The following PCNT variants were observed in gnomAD, a reference collection of about 807,000 sequenced individuals.
PCNT encodes the protein pericentrin, also known as kendrin.
PCNT carries 319 observed loss-of-function variants against 380.4 expected under a neutral mutation model. That is an observed-to-expected ratio of 0.84 (90% CI 0.77 to 0.92). The LOEUF (loss-of-function observed/expected upper bound fraction) is 0.92, where lower values mean the gene tolerates loss of function less well. Ranked by LOEUF, PCNT falls within the 40% of genes least tolerant of loss-of-function variation. The pLI is 0.00. For missense variants in PCNT, 4,400 were observed against 4,255.3 expected (o/e 1.03, Z -0.95); for synonymous variants, 1,845 against 1,735.2 (o/e 1.06, Z -1.57).
In PCNT at chr21:46,430,044, G is replaced by T; in HGVS notation, c.7725G>T (p.Lys2575Asn). The change falls in exon 36 of 47, where the codon AAG (lysine) becomes AAT (asparagine). Residue 2575 changes from lysine (K) to asparagine (N), a missense_variant. Coordinates refer to ENST00000359568, the MANE Select transcript of PCNT (RefSeq NM_006031.6). Reference protein sequence around the residue: ...ELLAYKVEQEKCIAGDLQKTL... With the variant: ...ELLAYKVEQENCIAGDLQKTL... ...TGGCTTATAAAGTAGAGCAGGAGAA[G>T]TGCATTGCTGGTGACTTGCAGAAGA... 6.2e-7 allele frequency: 1 copy of T among 1,614,232 alleles called. No homozygotes were observed. The highest frequency in any genetic ancestry group is 8.5e-7 in the Non-Finnish European group (1 of 1,180,032).
chr21:46,418,709 G>C (rs1049593909), intron 31 of PCNT, among the ~76,000 whole-genome samples: 3 of 152,262 alleles, frequency 2.0e-5, no homozygotes, highest in Non-Finnish European at 4.4e-5. Context: ...TCCAGGCTCT[G>C]CTGCCTTGCC....
intron 27 of PCNT, among the ~76,000 whole-genome samples, chr21:46,404,306 A>C (rs1268041688): frequency 6.6e-6 from 1 of 152,254 alleles, no homozygotes; most frequent in Non-Finnish European, 1.5e-5. Context: ...AGGCTTATTT[A>C]ATTAGGACAT....
At chr21:46,429,735 G>A (rs1339903887) in intron 35 of PCNT, among the ~76,000 whole-genome samples, 1 of 152,100 alleles carries the variant, frequency 6.6e-6, no homozygotes, top group Non-Finnish European at 1.5e-5. Flanking sequence ...GTGTGAGTGG[G>A]GGTGAGGTGG....
chr21:46,326,664 G>A, intron 2 of PCNT, 75 bp downstream of exon 2: 4 of 1,457,858 alleles, frequency 2.7e-6, no homozygotes, highest in Non-Finnish European at 3.8e-6. Context: ...ACTAAAGATG[G>A]TCTTTGGTCT....
chr21:46,443,894 A>G lies in PCNT; in HGVS notation c.9785A>G (p.Asp3262Gly), dbSNP rs762606814. The G allele has an allele frequency of 6.2e-7, 1 of 1,612,746 alleles. No homozygotes were observed. Among genetic ancestry groups the G allele is most frequent in the Non-Finnish European group, 8.5e-7 (1 of 1,179,954 alleles). Reference sequence around the variant, plus strand: ...GATGTACCCTCTGGCCACACCAGGGACCCTGCCAGAGGCCGCAGACTGGCA... The same window carrying G: ...GATGTACCCTCTGGCCACACCAGGGGCCCTGCCAGAGGCCGCAGACTGGCA... ...TRDVPSGHTR[D>G]PARGRRLAAA... Residue 3262 changes from aspartate (D) to glycine (G), a missense_variant, in exon 45 of 47, where the codon GAC becomes GGC. Coordinates refer to ENST00000359568, the MANE Select transcript of PCNT (RefSeq NM_006031.6).
chr21:46,412,912 ACCGTCTG>A lies in PCNT; in HGVS notation c.6073_6079del (p.Val2025ArgfsTer11). 1 of 1,612,742 alleles carries A rather than the reference ACCGTCTG, an allele frequency of 6.2e-7. No individual in the cohort carries two copies. Among genetic ancestry groups the A allele is most frequent in the Non-Finnish European group, 8.5e-7 (1 of 1,180,006 alleles). ...GCAAGAAGGCGTGATGTCAGTGCTCACCGTCTGCCAGAGGCAGCTGCAGTCGGAGCTG... is the reference window on the plus strand; with the variant it reads ...GCAAGAAGGCGTGATGTCAGTGCTCACCAGAGGCAGCTGCAGTCGGAGCTG... On this transcript the variant is annotated frameshift_variant, in exon 29 of 47. Coordinates refer to ENST00000359568, the MANE Select transcript of PCNT (RefSeq NM_006031.6). LOFTEE classifies it high-confidence loss of function.
At chr21:46,377,801 C>T (rs1261647391) in intron 15 of PCNT, among the ~76,000 whole-genome samples, 1 of 152,158 alleles carries the variant, frequency 6.6e-6, no homozygotes, top group African/African-American at 2.4e-5. Context: ...AAGCTGACAT[C>T]GCACCACTGC....
intron 15 of PCNT, 124 bp downstream of exon 15, chr21:46,367,263 C>A: frequency 1.3e-6 from 1 of 783,116 alleles, no homozygotes; most frequent in Non-Finnish European, 2.1e-6. Flanking sequence ...GTGTGTCTCA[C>A]AGGCTGCCGA....
chr21:46,379,000 G>C (rs150786377), intron 15 of PCNT, among the ~76,000 whole-genome samples: 2 of 152,122 alleles, frequency 1.3e-5, no homozygotes, highest in Non-Finnish European at 2.9e-5. Flanking sequence ...ACTGCTGCTC[G>C]TTTCTTCCTG....
At chr21:46,438,069 T>G in intron 40 of PCNT, 95 bp from the exon 41 acceptor site, 1 of 1,008,962 alleles carries the variant, frequency 9.9e-7, no homozygotes, top group Non-Finnish European at 1.5e-6. Flanking sequence ...GACACATTAA[T>G]TACAATCCCT....
At chr21:46,426,079 T>A in intron 33 of PCNT, 108 bp downstream of exon 33, 1 of 1,026,712 alleles carries the variant, frequency 9.7e-7, no homozygotes, top group South Asian at 1.5e-5. Flanking sequence ...CTTTTTTTTT[T>A]TTTTTTTTTT....
intron 15 of PCNT, 61 bp from the exon 16 acceptor site, chr21:46,381,633 A>C (rs2085544823): frequency 6.0e-6 from 9 of 1,509,046 alleles, no homozygotes; most frequent in Non-Finnish European, 8.3e-6. Flanking sequence ...AATTCCGGCT[A>C]ACAGCAAAGA....
chr21:46,381,192 ATCTCTG>A (rs2085521818), intron 15 of PCNT, among the ~76,000 whole-genome samples: 1 of 77,316 alleles, frequency 1.3e-5, no homozygotes, highest in Admixed American at 1.4e-4. Flanking sequence ...AAAAAAAAAA[ATCTCTG>A]TGTGTGTGTG....
chr21:46,426,356 A>G (rs1365984848), intron 33 of PCNT, among the ~76,000 whole-genome samples: 1 of 152,038 alleles, frequency 6.6e-6, no homozygotes, highest in African/African-American at 2.4e-5. Context: ...GCACGGCCAA[A>G]AAGACTGAGG....
chr21:46,398,141 G>A lies in PCNT; in HGVS notation c.4563+11G>A, dbSNP rs370423096. 6.0e-4 allele frequency: 962 copies of A among 1,606,250 alleles called. 3 individuals are homozygous for A. Among genetic ancestry groups the A allele is most frequent in the Non-Finnish European group, 7.8e-4 (913 of 1,176,450 alleles). ...CCTCGCGACAGCCAGGTGAGTCAGT[G>A]CAGCGTGCAGTGCTGCTGGTTGCTG... On this transcript the variant is annotated intron_variant, in intron 23 of 46. Coordinates refer to ENST00000359568, the MANE Select transcript of PCNT (RefSeq NM_006031.6).
intron 29 of PCNT, 53 bp from the exon 30 acceptor site, chr21:46,416,016 G>T: frequency 6.3e-7 from 1 of 1,582,310 alleles, no homozygotes; most frequent in South Asian, 1.1e-5. Context: ...AGACAGGTGC[G>T]ACTCCTGGTG....
chr21:46,425,223 C>G lies in PCNT; in HGVS notation c.7180-608C>G, dbSNP rs1033311655. Among the ~76,000 whole-genome samples, 1 of 152,152 alleles carries G rather than the reference C, an allele frequency of 6.6e-6. No individual in the cohort carries two copies. The highest frequency in any genetic ancestry group is 2.4e-5 in the African/African-American group (1 of 41,436). On this transcript the variant is annotated intron_variant, in intron 32 of 46. Transcript: ENST00000359568. The surrounding 1 kb of genome is among the most constrained non-coding windows in gnomAD (Gnocchi z 4.2). ...TCTGGCGAGACAGTCAAGTGTGTGT[C>G]CGGACACCAGCTGCTGCGTAATCGG...
intron 30 of PCNT, among the ~76,000 whole-genome samples, chr21:46,417,184 CTTTT>C (rs71318076): frequency 0.057 from 4,171 of 72,904 alleles, 15 homozygotes; most frequent in Non-Finnish European, 0.063. Flanking sequence ...GGAATGCTTC[CTTTT>C]TTTTTTTTTT....
chr21:46,344,710 G>A (rs1192620045), intron 3 of PCNT, among the ~76,000 whole-genome samples: 3 of 152,244 alleles, frequency 2.0e-5, no homozygotes, highest in Non-Finnish European at 4.4e-5. Flanking sequence ...CGTCCCAGGC[G>A]CCAGTCGAGG....
Sources: gnomAD v4.1 joint callset for allele counts (sites outside exome capture counted in the v4.1 genomes callset) on GRCh38, gnomAD v4.1.1 for gene constraint, Gnocchi (gnomAD v3.1) non-coding constraint, MANE v1.5 for transcripts, NCBI Gene and HGNC (gene_info 2026-07-23, HGNC 2026-07-21) for gene names.